The following RAP1A variants were observed in gnomAD, a reference collection of about 807,000 sequenced individuals.
RAP1A encodes ras-related protein Rap-1A.
A neutral mutation model predicts 26.4 loss-of-function variants in RAP1A; 6 were observed. That is an observed-to-expected ratio of 0.23 (90% CI 0.12 to 0.45). The LOEUF is 0.45. RAP1A is among the 20% of genes least tolerant of loss of function. The pLI is 0.99. For synonymous variants in RAP1A, 73 were observed against 79.4 expected (o/e 0.92, Z 0.43); for missense variants, 121 against 217.2 (o/e 0.56, Z 2.78).
intron 1 of RAP1A, among the ~76,000 whole-genome samples, chr1:111,597,099 G>T (rs1658577735): frequency 6.6e-6 from 1 of 152,204 alleles, no homozygotes; most frequent in South Asian, 2.1e-4. Flanking sequence ...GTCAAGATAT[G>T]TCAGGAGTAT....
chr1:111,637,595 A>C (rs1329094165), intron 1 of RAP1A, among the ~76,000 whole-genome samples: 1 of 152,192 alleles, frequency 6.6e-6, no homozygotes, highest in Non-Finnish European at 1.5e-5. Context: ...ACTTGTTAAC[A>C]TTTTGGTGTA....
chr1:111,646,609 C>T (rs1039683472), intron 1 of RAP1A, among the ~76,000 whole-genome samples: 1 of 151,880 alleles, frequency 6.6e-6, no homozygotes, highest in Non-Finnish European at 1.5e-5. Flanking sequence ...GGTGCAATCT[C>T]GGCTCACTGC....
chr1:111,673,172 A>G (rs556142052), intron 1 of RAP1A, among the ~76,000 whole-genome samples: 112 of 152,316 alleles, frequency 7.4e-4, no homozygotes, highest in Non-Finnish European at 1.5e-3. Context: ...TGTTGTGGAA[A>G]GTTAAATCTT....
chr1:111,598,806 A>G (rs560828700), intron 1 of RAP1A, among the ~76,000 whole-genome samples: 1 of 152,264 alleles, frequency 6.6e-6, no homozygotes, highest in Admixed American at 6.5e-5. Context: ...TGGCGATAGC[A>G]GTAGAAACCA....
intron 6 of RAP1A, among the ~76,000 whole-genome samples, chr1:111,707,072 A>G (rs556212769): frequency 6.0e-4 from 91 of 152,336 alleles, no homozygotes; most frequent in African/African-American, 2.1e-3. Flanking sequence ...CAGAAACTAC[A>G]ATTTTGTTTA....
At chr1:111,630,455 A>G (rs569522818) in intron 1 of RAP1A, among the ~76,000 whole-genome samples, 49 of 152,318 alleles carry the variant, frequency 3.2e-4, no homozygotes, top group Non-Finnish European at 4.9e-4. Context: ...ACGTGCTTTC[A>G]TGGCAATTTT....
chr1:111,601,921 C>T (rs1269636760), intron 1 of RAP1A, among the ~76,000 whole-genome samples: 2 of 152,138 alleles, frequency 1.3e-5, no homozygotes, highest in Admixed American at 6.5e-5. Context: ...TTTCAAAGGT[C>T]CATCTAGTTT....
intron 1 of RAP1A, among the ~76,000 whole-genome samples, chr1:111,674,643 C>T (rs1184068973): frequency 6.6e-6 from 1 of 152,068 alleles, no homozygotes; most frequent in Non-Finnish European, 1.5e-5. Flanking sequence ...CTTTTTAAAC[C>T]TCCTTTTGTA....
intron 1 of RAP1A, among the ~76,000 whole-genome samples, chr1:111,684,340 AAGAGAGGAAGTCAAATTGTCTCTGCAG>A (rs1200450465): frequency 6.6e-6 from 1 of 152,212 alleles, no homozygotes; most frequent in African/African-American, 2.4e-5. Context: ...TTCAAACAGG[AAGAGAGGAAGTCAAATTGTCTCTGCAG>A]ATGACATAAT....
chr1:111,683,194 T>C (rs531009865), intron 1 of RAP1A, among the ~76,000 whole-genome samples: 1 of 152,316 alleles, frequency 6.6e-6, no homozygotes, highest in Non-Finnish European at 1.5e-5. Context: ...TTTATAGCAC[T>C]ACATGCCCAG....
At chr1:111,695,663 A>G (rs1311544124) in intron 3 of RAP1A, among the ~76,000 whole-genome samples, 2 of 152,240 alleles carry the variant, frequency 1.3e-5, no homozygotes, top group African/African-American at 4.8e-5. Flanking sequence ...GTTGCCACAT[A>G]TGAAAAAATT....
rs144323950 is a variant in RAP1A at position 111,586,051 on chromosome 1, G to A, written c.-28+43542G>A. ...GCTTGTAGGTATCTTTCTTTCTCAG[G>A]TCCCATAAAACTCTTGATTCTTGTT... is the stretch of plus-strand genomic sequence containing the variant. On this transcript the variant is annotated intron_variant, in intron 1 of 7. Transcript: ENST00000356415. Among the ~76,000 whole-genome samples the A allele has an allele frequency of 4.9e-3, 752 of 152,120 alleles. 8 individuals are homozygous for A. Among genetic ancestry groups the A allele is most frequent in the South Asian group, 0.015 (74 of 4,810 alleles).
chr1:111,643,604 ATGGTTCATTGGAGAT>A (rs1659961563), intron 1 of RAP1A, among the ~76,000 whole-genome samples: 1 of 152,230 alleles, frequency 6.6e-6, no homozygotes, highest in Non-Finnish European at 1.5e-5. Flanking sequence ...CAGAACCATC[ATGGTTCATTGGAGAT>A]TTTATTCTTT....
At chr1:111,549,304 A>G (rs1488904224) in intron 1 of RAP1A, among the ~76,000 whole-genome samples, 1 of 145,624 alleles carries the variant, frequency 6.9e-6, no homozygotes, top group Non-Finnish European at 1.5e-5. Flanking sequence ...CCATCCAGTC[A>G]TGGGCTTTTT....
chr1:111,669,045 AAAAG>A (rs1557885176), intron 1 of RAP1A, among the ~76,000 whole-genome samples: 3 of 149,028 alleles, frequency 2.0e-5, no homozygotes, highest in African/African-American at 5.2e-5. Flanking sequence ...AAAAAAAAAA[AAAAG>A]AAAGAAAAGA....
At chr1:111,679,293 G>T (rs577256795) in intron 1 of RAP1A, among the ~76,000 whole-genome samples, 1 of 152,052 alleles carries the variant, frequency 6.6e-6, no homozygotes, top group African/African-American at 2.4e-5. Context: ...AGGGGTCAGC[G>T]AACTCCCTCC....
At chr1:111,626,366 TACATAC>T (rs897038749) in intron 1 of RAP1A, among the ~76,000 whole-genome samples, 3 of 103,186 alleles carry the variant, frequency 2.9e-5, no homozygotes, top group African/African-American at 1.7e-4. Flanking sequence ...TGCATATGTA[TACATAC>T]ACACACACAC....
chr1:111,613,015 G>T (rs963031588), intron 1 of RAP1A, among the ~76,000 whole-genome samples: 23 of 152,096 alleles, frequency 1.5e-4, no homozygotes, highest in African/African-American at 5.3e-4. Flanking sequence ...TTTGTCCAAG[G>T]CTGAACAGCT....
At chr1:111,694,064 A>AT (rs1557895236) in intron 2 of RAP1A, among the ~76,000 whole-genome samples, 1 of 151,934 alleles carries the variant, frequency 6.6e-6, no homozygotes, top group East Asian at 1.9e-4. Context: ...AAATTTTTAA[A>AT]TTTTTTGTAG....
Sources: allele counts gnomAD v4.1 joint callset (sites outside exome capture counted in the v4.1 genomes callset), GRCh38; gene constraint gnomAD v4.1.1; transcripts MANE v1.5; gene names NCBI Gene and HGNC (gene_info 2026-07-23, HGNC 2026-07-21).